Variants in GRIK2 observed in about 807,000 individuals in gnomAD.
GRIK2 encodes glutamate receptor ionotropic, kainate 2.
A neutral mutation model predicts 100.3 loss-of-function variants in GRIK2; 32 were observed. That is an observed-to-expected ratio of 0.32 (90% confidence interval 0.24 to 0.43). The LOEUF is 0.43. Among genes scored for constraint, GRIK2 ranks in the 20% least tolerant of loss-of-function variants. The pLI, the probability that GRIK2 is intolerant of heterozygous loss-of-function variation, is 1.00. For missense variants in GRIK2, 843 were observed against 1,114.9 expected (o/e 0.76, Z 3.47); for synonymous variants, 417 against 389.4 (o/e 1.07, Z -0.83).
At chr6:101,908,799 C>T (rs1183476571) in intron 12 of GRIK2, among the ~76,000 whole-genome samples, 2 of 102,038 alleles carry the variant, frequency 2.0e-5, no homozygotes, top group African/African-American at 7.5e-5. Flanking sequence ...ATGTTCATAG[C>T]ACATTCAGAC....
rs908208118 is a variant in GRIK2 at position 101,746,646 on chromosome 6, C to A, written c.952-53002C>A. On this transcript the variant is annotated intron_variant, in intron 7 of 16. Coordinates refer to ENST00000369134, the MANE Select transcript of GRIK2 (RefSeq NM_021956.5). ...CTGGCCTACCTTCAAATTTTTGTCT[C>A]AGTGGATAAGACAGATTTTGTTACC... Among the ~76,000 whole-genome samples, 84 of 152,130 alleles carry A rather than the reference C, an allele frequency of 5.5e-4. 1 individual carries two copies. Among genetic ancestry groups the A allele is most frequent in the Non-Finnish European group, 8.4e-4 (57 of 68,014 alleles).
intron 9 of GRIK2, among the ~76,000 whole-genome samples, chr6:101,808,188 GTAAC>G (rs1781121590): frequency 6.6e-6 from 1 of 151,714 alleles, no homozygotes; most frequent in African/African-American, 2.4e-5. Flanking sequence ...ATCTTAGACT[GTAAC>G]TTCAAAAGGA....
At chr6:101,956,993 T>C (rs575258445) in intron 14 of GRIK2, among the ~76,000 whole-genome samples, 1 of 151,910 alleles carries the variant, frequency 6.6e-6, no homozygotes, top group South Asian at 2.1e-4. Flanking sequence ...TGAATTCTTT[T>C]CCTTTGGGTA....
At chr6:101,557,209 A>G (rs1776789305) in intron 2 of GRIK2, among the ~76,000 whole-genome samples, 1 of 152,206 alleles carries the variant, frequency 6.6e-6, no homozygotes, top group Middle Eastern at 3.2e-3. Context: ...CCAGATTTCT[A>G]CTGACTTTAA....
At chr6:101,427,788 G>T (rs1159480938) in intron 2 of GRIK2, among the ~76,000 whole-genome samples, 1 of 152,158 alleles carries the variant, frequency 6.6e-6, no homozygotes, top group Non-Finnish European at 1.5e-5. Context: ...TAGTCAGTCT[G>T]TTAGTCAGTC....
intron 10 of GRIK2, among the ~76,000 whole-genome samples, chr6:101,838,390 C>T (rs972721890): frequency 6.6e-6 from 1 of 152,066 alleles, no homozygotes; most frequent in Non-Finnish European, 1.5e-5. Context: ...CACCAAGATT[C>T]CTTAATCAAT....
At chr6:101,469,862 CTT>C (rs1245972387) in intron 2 of GRIK2, among the ~76,000 whole-genome samples, 11 of 152,172 alleles carry the variant, frequency 7.2e-5, no homozygotes. Flanking sequence ...AAATAGTCCT[CTT>C]TCTTTCTCTT....
chr6:101,581,681 C>T (rs1257785073), intron 2 of GRIK2, among the ~76,000 whole-genome samples: 3 of 151,988 alleles, frequency 2.0e-5, no homozygotes. Flanking sequence ...TCCATGCCTT[C>T]CAGAAAATTA....
intron 7 of GRIK2, among the ~76,000 whole-genome samples, chr6:101,686,811 A>G (rs1318952621): frequency 6.6e-6 from 1 of 152,120 alleles, no homozygotes. Flanking sequence ...TTTAAGGCTG[A>G]AGACTAATCA....
intron 12 of GRIK2, among the ~76,000 whole-genome samples, chr6:101,899,783 G>A (rs537486322): frequency 1.3e-5 from 2 of 152,078 alleles, no homozygotes; most frequent in Admixed American, 6.6e-5. Context: ...ACAGAATAGG[G>A]CTACAACTGT....
intron 12 of GRIK2, among the ~76,000 whole-genome samples, chr6:101,909,373 TTTCTTTTTC>T (rs1200784203): frequency 1.8e-5 from 2 of 113,556 alleles, no homozygotes; most frequent in East Asian, 2.8e-4. Context: ...AAGATAGGGT[TTTCTTTTTC>T]TTTTTTTTTT....
chr6:102,041,136 G>A (rs926020061), intron 15 of GRIK2, among the ~76,000 whole-genome samples: 3 of 151,484 alleles, frequency 2.0e-5, no homozygotes, highest in Admixed American at 6.6e-5. Flanking sequence ...TCATTAACAG[G>A]CTGCATGCTA....
Position 101,822,157 on chromosome 6 carries a change from C to T in GRIK2, c.1317+3674C>T, listed in dbSNP as rs143521125. ...TTAAAGCTAACAAAATAGACATGAT[C>T]GCTTCCCTTATTGAACTTAGAAAAT... On this transcript the variant is annotated intron_variant, in intron 10 of 16. Transcript: ENST00000369134. 5.6e-4 allele frequency among the ~76,000 whole-genome samples: 85 copies of T among 150,946 alleles called. 2 individuals are homozygous for T. The highest frequency in any genetic ancestry group is 1.8e-3 in the African/African-American group (76 of 41,178).
intron 2 of GRIK2, among the ~76,000 whole-genome samples, chr6:101,456,905 A>G (rs1247848961): frequency 6.6e-6 from 1 of 152,148 alleles, no homozygotes; most frequent in East Asian, 1.9e-4. Flanking sequence ...ATACTAGAGG[A>G]CAAATCTAGA....
chr6:101,993,116 T>C (rs1343215065), intron 14 of GRIK2: 6 of 151,332 alleles, frequency 4.0e-5, no homozygotes, highest in Admixed American at 4.0e-4. Context: ...AGAGAGCCAA[T>C]AACATTCTTT....
intron 7 of GRIK2, among the ~76,000 whole-genome samples, chr6:101,787,957 T>C (rs540044278): frequency 6.6e-6 from 1 of 152,144 alleles, no homozygotes; most frequent in Admixed American, 6.6e-5. Context: ...ATAAAATTTG[T>C]TTTATATATT....
chr6:101,404,516 GC>G (rs1232437949), intron 2 of GRIK2, among the ~76,000 whole-genome samples: 1 of 152,170 alleles, frequency 6.6e-6, no homozygotes, highest in Non-Finnish European at 1.5e-5. Flanking sequence ...TGTTATGGTA[GC>G]CCCAATTACA....
At chr6:101,616,864 T>A (rs1237595554) in intron 2 of GRIK2, among the ~76,000 whole-genome samples, 5 of 151,768 alleles carry the variant, frequency 3.3e-5, no homozygotes, top group Non-Finnish European at 7.4e-5. Flanking sequence ...TTTTCTTACA[T>A]TTAGCGGTTA....
chr6:102,064,027 C>A, intron 16 of GRIK2: 1 of 1,504,330 alleles, frequency 6.6e-7, no homozygotes, highest in Non-Finnish European at 9.2e-7. Flanking sequence ...TTGAAACTTA[C>A]TAAAAGAGGT....
Sources: allele counts gnomAD v4.1 joint callset (sites outside exome capture counted in the v4.1 genomes callset), GRCh38; gene constraint gnomAD v4.1.1; transcripts MANE v1.5; gene names NCBI Gene and HGNC (gene_info 2026-07-23, HGNC 2026-07-21).